ZMIZ1: variants seen among roughly 807,000 people sequenced by gnomAD.
ZMIZ1 encodes the protein zinc finger MIZ-type containing 1, also known as zinc finger MIZ domain-containing protein 1.
ZMIZ1 carries 17 observed loss-of-function variants against 113.9 expected under a neutral mutation model. The ratio of observed to expected loss-of-function variants is 0.15; its 90% CI spans 0.10 to 0.22. ZMIZ1 has a LOEUF of 0.22. ZMIZ1 is among the 10% of genes least tolerant of loss of function. The probability of loss-of-function intolerance (pLI) is 1.00; values close to 1 mark genes in which losing one functional copy is unlikely to be tolerated. For missense variants in ZMIZ1, 1,059 were observed against 1,477.8 expected, an observed-to-expected ratio of 0.72 and a Z score of 4.65; for synonymous variants, 607 against 603.1, an observed-to-expected ratio of 1.01 and a Z score of -0.09.
intron 4 of ZMIZ1, among the ~76,000 whole-genome samples, chr10:79,174,141 C>T (rs1049512294): frequency 3.3e-5 from 5 of 152,218 alleles, no homozygotes; most frequent in Non-Finnish European, 2.9e-5. Context: ...ATTGCTGAAG[C>T]GGCCAGCACA....
At chr10:79,247,484 C>G (rs1483955161) in intron 7 of ZMIZ1, among the ~76,000 whole-genome samples, 1 of 152,200 alleles carries the variant, frequency 6.6e-6, no homozygotes, top group African/African-American at 2.4e-5. Context: ...TCTGCTGTCC[C>G]CCTGCCTGGC....
intron 2 of ZMIZ1, among the ~76,000 whole-genome samples, chr10:79,136,128 T>C (rs145451271): frequency 1.1e-3 from 174 of 152,194 alleles, no homozygotes; most frequent in African/African-American, 3.9e-3. Context: ...TCCAGAAGGA[T>C]AGTCTCAGAA....
At chr10:79,301,876 C>T (rs1854324591) in intron 17 of ZMIZ1, among the ~76,000 whole-genome samples, 1 of 152,158 alleles carries the variant, frequency 6.6e-6, no homozygotes. Context: ...AGCCTTGTGT[C>T]CTATAACCTT....
intron 7 of ZMIZ1, among the ~76,000 whole-genome samples, chr10:79,267,288 G>A (rs922421866): frequency 6.6e-6 from 1 of 152,226 alleles, no homozygotes; most frequent in Admixed American, 6.5e-5. Context: ...GTGAGGCTGG[G>A]CACTCCTGAG....
chr10:79,203,819 A>G (rs867447184), intron 5 of ZMIZ1, among the ~76,000 whole-genome samples: 1 of 152,236 alleles, frequency 6.6e-6, no homozygotes, highest in Non-Finnish European at 1.5e-5. Flanking sequence ...TAAAATGGGC[A>G]TCATAATTAA....
intron 4 of ZMIZ1, among the ~76,000 whole-genome samples, chr10:79,187,742 T>C (rs1175607639): frequency 6.6e-6 from 1 of 152,216 alleles, no homozygotes; most frequent in African/African-American, 2.4e-5. Context: ...CCTTGTGTCC[T>C]GTGTCCCTCC....
At chr10:79,304,269 A>G (rs1031022060) in intron 19 of ZMIZ1, 94 bp downstream of exon 19, 1 of 1,482,302 alleles carries the variant, frequency 6.7e-7, no homozygotes, top group African/African-American at 1.4e-5. Context: ...GCCTGTCCTA[A>G]CACTGTCCTG....
chr10:79,312,172 G>T (rs1855214941), intron 24 of ZMIZ1, among the ~76,000 whole-genome samples: 1 of 152,252 alleles, frequency 6.6e-6, no homozygotes, highest in Non-Finnish European at 1.5e-5. Flanking sequence ...CCAGCCACAG[G>T]CTCACCAAGG....
intron 7 of ZMIZ1, among the ~76,000 whole-genome samples, chr10:79,255,850 T>G (rs1434516178): frequency 6.6e-6 from 1 of 152,234 alleles, no homozygotes; most frequent in African/African-American, 2.4e-5. Context: ...CAGAAGTGAT[T>G]ACCATACAAT....
At chr10:79,170,484 GC>G (rs1211892668) in intron 4 of ZMIZ1, among the ~76,000 whole-genome samples, 5 of 152,186 alleles carry the variant, frequency 3.3e-5, no homozygotes, top group African/African-American at 1.2e-4. Context: ...GGTGTCACAT[GC>G]CATTTATTGG....
At chr10:79,231,014 C>T (rs928847887) in intron 7 of ZMIZ1, among the ~76,000 whole-genome samples, 7 of 152,206 alleles carry the variant, frequency 4.6e-5, no homozygotes, top group East Asian at 1.9e-4. Flanking sequence ...TTTAGGGTTC[C>T]GGTCCTGTGC....
At chr10:79,223,071 C>A (rs1849047039) in intron 7 of ZMIZ1, among the ~76,000 whole-genome samples, 1 of 152,222 alleles carries the variant, frequency 6.6e-6, no homozygotes, top group South Asian at 2.1e-4. Flanking sequence ...CCTCACGCCT[C>A]CCTTGTGGCT....
intron 7 of ZMIZ1, among the ~76,000 whole-genome samples, chr10:79,235,225 C>CG (rs1849541790): frequency 1.3e-5 from 2 of 152,202 alleles, no homozygotes; most frequent in Admixed American, 6.5e-5. Context: ...CCCTCATCTG[C>CG]CATGGACCAG....
chr10:79,293,303 C>G, intron 11 of ZMIZ1, 78 bp from the exon 12 acceptor site: 2 of 1,494,998 alleles, frequency 1.3e-6, no homozygotes, highest in Non-Finnish European at 1.8e-6. Context: ...CAACCCTTCC[C>G]TCCCTGCACT....
chr10:79,275,392 C>T (rs937244465), intron 7 of ZMIZ1, among the ~76,000 whole-genome samples: 3 of 152,246 alleles, frequency 2.0e-5, no homozygotes, highest in African/African-American at 7.2e-5. Context: ...AGAAACAGGG[C>T]CCCTCTTGGG....
chr10:79,165,818 G>C (rs1476386522), intron 4 of ZMIZ1, among the ~76,000 whole-genome samples: 1 of 152,178 alleles, frequency 6.6e-6, no homozygotes, highest in Non-Finnish European at 1.5e-5. Flanking sequence ...TGAAGTCTCT[G>C]GGTGGGCCCA....
At chr10:79,213,895 A>T (rs1848619791) in intron 6 of ZMIZ1, among the ~76,000 whole-genome samples, 1 of 152,112 alleles carries the variant, frequency 6.6e-6, no homozygotes, top group South Asian at 2.1e-4. Flanking sequence ...AAGAATTTGC[A>T]CTTTGTTGCA....
chr10:79,203,208 A>T (rs1174731728), intron 5 of ZMIZ1, among the ~76,000 whole-genome samples: 1 of 152,180 alleles, frequency 6.6e-6, no homozygotes, highest in South Asian at 2.1e-4. Flanking sequence ...AGCCTCCCCA[A>T]GGTGCCTGCC....
chr10:79,193,255 AT>A, intron 4 of ZMIZ1, among the ~76,000 whole-genome samples: 1 of 152,348 alleles, frequency 6.6e-6, no homozygotes, highest in East Asian at 1.9e-4. Flanking sequence ...TAGGTCTGCT[AT>A]TGCTACCTAA....
Sources: gnomAD v4.1 joint callset for allele counts (sites outside exome capture counted in the v4.1 genomes callset) on GRCh38, gnomAD v4.1.1 for gene constraint, MANE v1.5 for transcripts, NCBI Gene and HGNC (gene_info 2026-07-23, HGNC 2026-07-21) for gene names.